The following LTBP1 variants were observed in gnomAD, a reference collection of about 807,000 sequenced individuals.
LTBP1 encodes the protein latent transforming growth factor beta binding protein 1, also known as latent-transforming growth factor beta-binding protein 1.
In LTBP1, 129 loss-of-function variants were observed where a neutral mutation model predicts 207.6. The ratio of observed to expected loss-of-function variants is 0.62; its 90% CI spans 0.54 to 0.72. LTBP1 has a LOEUF of 0.72. LTBP1 is among the 30% of genes least tolerant of loss of function. LTBP1 has a pLI of 0.00. For missense variants in LTBP1, 2,281 were observed against 2,217.2 expected, an observed-to-expected ratio of 1.03 and a Z score of -0.58; for synonymous variants, 963 against 833.7, an observed-to-expected ratio of 1.16 and a Z score of -2.67.
intron 9 of LTBP1, among the ~76,000 whole-genome samples, chr2:33,230,900 TG>T (rs1367570913): frequency 3.9e-5 from 2 of 51,232 alleles, no homozygotes; most frequent in African/African-American, 7.9e-5. Flanking sequence ...GCACGTACTG[TG>T]GGCAATACCA....
At chr2:33,070,971 C>T (rs1388810574) in intron 3 of LTBP1, among the ~76,000 whole-genome samples, 5 of 152,204 alleles carry the variant, frequency 3.3e-5, no homozygotes, top group Admixed American at 6.5e-5. Context: ...GTGGTTCTCA[C>T]CCTTGCTAGA....
chr2:33,207,376 A>G (rs757864230), intron 7 of LTBP1, among the ~76,000 whole-genome samples: 1 of 151,886 alleles, frequency 6.6e-6, no homozygotes, highest in Non-Finnish European at 1.5e-5. Context: ...CAGCAGTTAA[A>G]TGCTCTAGTC....
chr2:33,026,765 C>T (rs2075435330), intron 3 of LTBP1, among the ~76,000 whole-genome samples: 1 of 152,152 alleles, frequency 6.6e-6, no homozygotes, highest in Admixed American at 6.5e-5. Flanking sequence ...TCGTGTTATA[C>T]ATATTTATTT....
chr2:33,197,138 C>T (rs1220003313), intron 7 of LTBP1, among the ~76,000 whole-genome samples: 1 of 152,130 alleles, frequency 6.6e-6, no homozygotes, highest in Non-Finnish European at 1.5e-5. Context: ...ATTAGGCTGT[C>T]TATATAGGCA....
intron 3 of LTBP1, among the ~76,000 whole-genome samples, chr2:33,039,197 C>T (rs769850251): frequency 8.6e-5 from 13 of 151,890 alleles, no homozygotes; most frequent in Non-Finnish European, 1.8e-4. Flanking sequence ...AATTGAAGTT[C>T]TGTTCATTAT....
At chr2:33,384,241 C>T (rs1558335485) in intron 31 of LTBP1, among the ~76,000 whole-genome samples, 1 of 152,212 alleles carries the variant, frequency 6.6e-6, no homozygotes, top group African/African-American at 2.4e-5. Context: ...CAGCATTTGT[C>T]ATATGAATCA....
chr2:33,064,054 A>G (rs1279461282), intron 3 of LTBP1, among the ~76,000 whole-genome samples: 4 of 152,008 alleles, frequency 2.6e-5, no homozygotes, highest in Non-Finnish European at 2.9e-5. Context: ...GGGTTTCACC[A>G]TGTTGGGCCA....
intron 19 of LTBP1, among the ~76,000 whole-genome samples, chr2:33,289,090 A>T (rs1397339783): frequency 6.6e-6 from 1 of 152,212 alleles, no homozygotes; most frequent in Non-Finnish European, 1.5e-5. Flanking sequence ...AGACCAGGAA[A>T]TTCTGTGGGC....
At chr2:33,353,858 GC>G (rs377637739) in intron 26 of LTBP1, among the ~76,000 whole-genome samples, 21,781 of 140,760 alleles carry the variant, frequency 0.15, 1,525 homozygotes, top group South Asian at 0.23. Flanking sequence ...GTGCATGTAC[GC>G]CTTTTTTTTT....
At chr2:33,066,008 C>G (rs1181959675) in intron 3 of LTBP1, among the ~76,000 whole-genome samples, 2 of 151,962 alleles carry the variant, frequency 1.3e-5, no homozygotes, top group Admixed American at 6.6e-5. Flanking sequence ...TTTTTTCCTC[C>G]TATTTTCCGG....
chr2:33,184,781 G>GTTTTTTTT (rs34063170), intron 5 of LTBP1, among the ~76,000 whole-genome samples: 7 of 136,378 alleles, frequency 5.1e-5, no homozygotes, highest in Admixed American at 7.3e-5. Flanking sequence ...AGTATTTTCT[G>GTTTTTTTT]TTTTTTTTTT....
chr2:33,259,679 T>A, intron 13 of LTBP1, 69 bp downstream of exon 13: 1 of 1,460,894 alleles, frequency 6.8e-7, no homozygotes, highest in Non-Finnish European at 9.4e-7. Flanking sequence ...AGAATATGTA[T>A]GGATTTTTTA....
intron 5 of LTBP1, among the ~76,000 whole-genome samples, chr2:33,177,722 C>T (rs758288433): frequency 6.6e-6 from 1 of 152,102 alleles, no homozygotes; most frequent in Non-Finnish European, 1.5e-5. Flanking sequence ...AGAGGAATGG[C>T]TATATAATTT....
At chr2:33,007,533 G>C (rs1439097317) in intron 2 of LTBP1, among the ~76,000 whole-genome samples, 4 of 152,172 alleles carry the variant, frequency 2.6e-5, no homozygotes, top group African/African-American at 9.6e-5. Flanking sequence ...TAATGCTGCT[G>C]GCTGTCATTT....
At chr2:33,180,132 T>C (rs986397853) in intron 5 of LTBP1, among the ~76,000 whole-genome samples, 4 of 152,222 alleles carry the variant, frequency 2.6e-5, no homozygotes, top group East Asian at 1.9e-4. Flanking sequence ...CTCACTTCCT[T>C]GGACAGGTTG....
intron 9 of LTBP1, among the ~76,000 whole-genome samples, chr2:33,242,873 T>C (rs956009841): frequency 2.6e-5 from 4 of 152,114 alleles, no homozygotes; most frequent in African/African-American, 9.7e-5. Context: ...TCTTTCTTTC[T>C]CCTGCTCAGA....
At chr2:33,064,893 C>G (rs1480831501) in intron 3 of LTBP1, among the ~76,000 whole-genome samples, 1 of 152,170 alleles carries the variant, frequency 6.6e-6, no homozygotes, top group African/African-American at 2.4e-5. Context: ...ATTTATGCTT[C>G]TCCCCTTTTG....
chr2:33,222,022 A>T, intron 8 of LTBP1, 58 bp from the exon 9 acceptor site: 1 of 1,258,350 alleles, frequency 7.9e-7, no homozygotes, highest in Non-Finnish European at 1.2e-6. Context: ...GATATCACTT[A>T]CACTAGTCTA....
intron 2 of LTBP1, among the ~76,000 whole-genome samples, chr2:32,968,261 T>A (rs1221005322): frequency 6.6e-6 from 1 of 152,244 alleles, no homozygotes; most frequent in Non-Finnish European, 1.5e-5. Context: ...CCACCATGCC[T>A]GATTATCTAT....
Sources: gnomAD v4.1 joint callset for allele counts (sites outside exome capture counted in the v4.1 genomes callset) on GRCh38, gnomAD v4.1.1 for gene constraint, MANE v1.5 for transcripts, NCBI Gene and HGNC (gene_info 2026-07-23, HGNC 2026-07-21) for gene names.